The following PTPRD variants were observed in gnomAD, a reference collection of about 807,000 sequenced individuals.
The protein encoded by PTPRD is receptor-type tyrosine-protein phosphatase delta.
In PTPRD, 34 loss-of-function variants were observed where a neutral mutation model predicts 214.5. The observed-to-expected ratio is 0.16, with a 90% CI of 0.12 to 0.21. The LOEUF (loss-of-function observed/expected upper bound fraction) is 0.21, where lower values mean the gene tolerates loss of function less well. PTPRD is among the 10% of genes least tolerant of loss of function. The pLI, the probability that PTPRD is intolerant of heterozygous loss-of-function variation, is 1.00. For synonymous variants in PTPRD, 1,128 were observed against 845.7 expected, an observed-to-expected ratio of 1.33 and a Z score of -5.79; for missense variants, 2,545 against 2,398.7, an observed-to-expected ratio of 1.06 and a Z score of -1.27.
At chr9:10,584,426 G>C (rs776033265) in intron 2 of PTPRD, among the ~76,000 whole-genome samples, 15 of 152,132 alleles carry the variant, frequency 9.9e-5, no homozygotes, top group South Asian at 2.1e-4. Context: ...GTAGCCTCTA[G>C]ATTTTCCTCA....
At chr9:10,515,323 C>G (rs907617633) in intron 2 of PTPRD, among the ~76,000 whole-genome samples, 3 of 151,878 alleles carry the variant, frequency 2.0e-5, no homozygotes, top group African/African-American at 7.2e-5. Context: ...ATGCTAAATA[C>G]TGAAGTTGCT....
At chr9:8,360,909 T>C (rs1300972907) in intron 39 of PTPRD, among the ~76,000 whole-genome samples, 3 of 152,156 alleles carry the variant, frequency 2.0e-5, no homozygotes, top group Non-Finnish European at 4.4e-5. Flanking sequence ...CCCATACTTA[T>C]TTGACTACAG....
At chr9:8,521,001 T>C (rs993140878) in intron 20 of PTPRD, among the ~76,000 whole-genome samples, 2 of 152,112 alleles carry the variant, frequency 1.3e-5, no homozygotes, top group African/African-American at 4.8e-5. Context: ...ATGTGTAAAA[T>C]TCCTAGTTCT....
At chr9:8,935,739 A>G (rs1368649529) in intron 11 of PTPRD, among the ~76,000 whole-genome samples, 2 of 152,236 alleles carry the variant, frequency 1.3e-5, no homozygotes, top group Non-Finnish European at 2.9e-5. Context: ...AAGCAGAAAA[A>G]GATATTTTTC....
At chr9:9,419,740 A>G (rs2078102147) in intron 8 of PTPRD, among the ~76,000 whole-genome samples, 1 of 151,772 alleles carries the variant, frequency 6.6e-6, no homozygotes, top group Non-Finnish European at 1.5e-5. Context: ...TGCCTTCATT[A>G]TTGTGTTCAT....
chr9:8,469,058 C>A (rs2096602044), intron 31 of PTPRD, among the ~76,000 whole-genome samples: 1 of 151,930 alleles, frequency 6.6e-6, no homozygotes, highest in Non-Finnish European at 1.5e-5. Flanking sequence ...GGGAAACAAC[C>A]CATCCCGACC....
intron 3 of PTPRD, among the ~76,000 whole-genome samples, chr9:10,150,628 T>G (rs890101932): frequency 6.6e-6 from 1 of 150,550 alleles, no homozygotes; most frequent in African/African-American, 2.4e-5. Context: ...CTGTAAGTTG[T>G]GCACATGTAC....
chr9:9,960,828 T>C (rs2094311033), intron 4 of PTPRD, among the ~76,000 whole-genome samples: 1 of 152,018 alleles, frequency 6.6e-6, no homozygotes, highest in South Asian at 2.1e-4. Context: ...AAATAAAATA[T>C]GGACTTCTGC....
At chr9:8,704,512 C>T (rs1295312564) in intron 12 of PTPRD, among the ~76,000 whole-genome samples, 1 of 152,072 alleles carries the variant, frequency 6.6e-6, no homozygotes, top group Non-Finnish European at 1.5e-5. Flanking sequence ...GTATCATGAA[C>T]TTGAAAATGG....
At chr9:9,203,963 A>G in intron 9 of PTPRD, among the ~76,000 whole-genome samples, 1 of 152,214 alleles carries the variant, frequency 6.6e-6, no homozygotes, top group Non-Finnish European at 1.5e-5. Context: ...TTTACAGTTT[A>G]GGTAAAGATA....
At position 9,937,078 on chromosome 9, in the gene PTPRD, G is replaced by C. The variant is rs189120941; in HGVS notation, c.-368+1429C>G. On this transcript the variant is annotated intron_variant, in intron 5 of 45. Coordinates refer to ENST00000381196, the MANE Select transcript of PTPRD (RefSeq NM_002839.4). ...CATCACACTCTGGGGACTGTTGTTG[G>C]GTTGGGGGAAGGGGGAGGGATAGCA... Among the ~76,000 whole-genome samples the C allele has an allele frequency of 2.8e-3, 425 of 152,246 alleles. 2 individuals are homozygous for C. Among genetic ancestry groups the C allele is most frequent in the African/African-American group, 9.3e-3 (386 of 41,552 alleles).
chr9:8,417,747 G>C (rs2094049061), intron 35 of PTPRD, among the ~76,000 whole-genome samples: 1 of 152,090 alleles, frequency 6.6e-6, no homozygotes, highest in Admixed American at 6.6e-5. Context: ...GCCAGTGAAA[G>C]AGGCATATTT....
At chr9:10,565,818 C>T (rs921256426) in intron 2 of PTPRD, among the ~76,000 whole-genome samples, 34 of 151,740 alleles carry the variant, frequency 2.2e-4, no homozygotes, top group African/African-American at 8.0e-4. Flanking sequence ...TGTTAATATA[C>T]AGAAAAATAC....
rs532800464 is a variant in PTPRD, at chr9:10,438,534, T to C, written c.-599-97517A>G. Among the ~76,000 whole-genome samples the C allele has an allele frequency of 6.6e-5, 10 of 151,824 alleles. No individual in the cohort carries two copies. In the East Asian group the frequency reaches 1.7e-3, roughly 27 times the overall value. ...TGGACTCCAATTCGATGTTTTTGTT[T>C]CCGCCACTCCCAAGGTTGTCTGGCA... On this transcript the variant is annotated intron_variant, in intron 2 of 45. Coordinates refer to ENST00000381196, the MANE Select transcript of PTPRD (RefSeq NM_002839.4).
At chr9:8,792,660 T>C (rs62528843) in intron 11 of PTPRD, among the ~76,000 whole-genome samples, 44 of 152,216 alleles carry the variant, frequency 2.9e-4, no homozygotes, top group Non-Finnish European at 4.7e-4. Flanking sequence ...AATGAAATTA[T>C]ATATCTCGAG....
intron 12 of PTPRD, among the ~76,000 whole-genome samples, chr9:8,702,758 C>G (rs1022942515): frequency 2.0e-5 from 3 of 152,222 alleles, no homozygotes; most frequent in Non-Finnish European, 2.9e-5. Flanking sequence ...CAGGCGCCCG[C>G]CACTACGCCC....
chr9:8,454,096 A>T (rs1024556577), intron 33 of PTPRD, among the ~76,000 whole-genome samples: 1 of 152,198 alleles, frequency 6.6e-6, no homozygotes, highest in Non-Finnish European at 1.5e-5. Context: ...ACTGGGAGAC[A>T]TGGATAATAA....
chr9:8,809,152 T>C (rs955182317), intron 11 of PTPRD, among the ~76,000 whole-genome samples: 1 of 152,156 alleles, frequency 6.6e-6, no homozygotes, highest in East Asian at 1.9e-4. Flanking sequence ...CAGCATCCTA[T>C]ACTTCATCTA....
At chr9:9,462,159 TGAG>T (rs1268284175) in intron 8 of PTPRD, among the ~76,000 whole-genome samples, 3 of 152,052 alleles carry the variant, frequency 2.0e-5, no homozygotes, top group African/African-American at 7.2e-5. Flanking sequence ...AAAGTATGAG[TGAG>T]TAGACTTTCA....
Sources: gnomAD v4.1 joint callset for allele counts (sites outside exome capture counted in the v4.1 genomes callset) on GRCh38, gnomAD v4.1.1 for gene constraint, MANE v1.5 for transcripts, NCBI Gene and HGNC (gene_info 2026-07-23, HGNC 2026-07-21) for gene names.